Variants in APOBEC1 observed in about 807,000 individuals in gnomAD.
APOBEC1 encodes apolipoprotein B mRNA editing enzyme catalytic subunit 1.
Under a neutral mutation model 26.3 loss-of-function variants are expected in APOBEC1, and 22 were observed. The ratio of observed to expected loss-of-function variants is 0.84; its 90% confidence interval spans 0.60 to 1.19. The LOEUF (loss-of-function observed/expected upper bound fraction) is 1.19. Among genes scored for constraint, APOBEC1 ranks in the 50% most tolerant of loss-of-function variants. The probability of loss-of-function intolerance (pLI) is 0.00; values close to 1 mark genes in which losing one functional copy is unlikely to be tolerated. For synonymous variants in APOBEC1, 77 were observed against 95.3 expected, an observed-to-expected ratio of 0.81 and a Z score of 1.12; for missense variants, 253 against 289.0, an observed-to-expected ratio of 0.88 and a Z score of 0.90.
chr12:7,665,803 A>ACG (rs1555095798), intron 1 of APOBEC1, 54 bp downstream of exon 1: 1 of 1,366,880 alleles, frequency 7.3e-7, no homozygotes, highest in African/African-American at 1.6e-5. Context: ...ACACACACAC[A>ACG]CACCATTCTT....
In APOBEC1 at chr12:7,649,649, A is replaced by G. The variant is rs772177917; in HGVS notation, c.609T>C (p.Leu203=). 1 of 1,613,994 alleles carries G rather than the reference A, an allele frequency of 6.2e-7. No individual in the cohort carries two copies. Among genetic ancestry groups the G allele is most frequent in the Non-Finnish European group, 8.5e-7 (1 of 1,179,842 alleles). ...TTTGAAGATGAAGTCTGAAAAATGT[A>G]AGATGATTTTGCCATCTTCTTGAAA... ...LKISRRWQNH[L]TFFRLHLQNC... The change falls in exon 5 of 5, where the codon CTT becomes CTC. Residue 203 remains leucine (L), a synonymous_variant. Transcript: ENST00000229304.
chr12:7,665,240 T>C (rs944804898), intron 1 of APOBEC1, among the ~76,000 whole-genome samples: 1 of 152,236 alleles, frequency 6.6e-6, no homozygotes, highest in African/African-American at 2.4e-5. Context: ...ATTGTTCTCA[T>C]GCTATCACGT....
intron 1 of APOBEC1, among the ~76,000 whole-genome samples, chr12:7,664,617 C>CA (rs1231916383): frequency 6.6e-6 from 1 of 152,118 alleles, no homozygotes; most frequent in Non-Finnish European, 1.5e-5. Flanking sequence ...TTTGTCGATC[C>CA]AAAGTCTGCC....
Position 7,659,345 on chromosome 12 carries a change from ATATATG to A in APOBEC1, c.17-4719_17-4714del, listed in dbSNP as rs1451082675. Among the ~76,000 whole-genome samples, 989 of 105,142 alleles carry A rather than the reference ATATATG, an allele frequency of 9.4e-3. 38 individuals are homozygous for A. Among genetic ancestry groups the A allele is most frequent in the African/African-American group, 0.017 (468 of 27,172 alleles). 69.0% of individuals were successfully genotyped at this position (105,142 alleles called of 152,430 possible). On this transcript the variant is annotated intron_variant, in intron 1 of 4. Transcript: ENST00000229304. ...AAAATATATATATATATATATATAT[ATATATG>A]TTTATATTTGAAATTTAAAAATCAC...
intron 1 of APOBEC1, among the ~76,000 whole-genome samples, chr12:7,662,742 G>A (rs1399254572): frequency 6.6e-6 from 1 of 152,148 alleles, no homozygotes; most frequent in African/African-American, 2.4e-5. Flanking sequence ...ACATGTGGAC[G>A]TCGGGGAAGG....
At chr12:7,660,330 G>GGGAGGGAAT (rs1863789177) in intron 1 of APOBEC1, among the ~76,000 whole-genome samples, 1 of 114,578 alleles carries the variant, frequency 8.7e-6, no homozygotes, top group Non-Finnish European at 1.8e-5. Context: ...AAGGAAGGAA[G>GGGAGGGAAT]GAAGGGAAGG....
chr12:7,650,077 A>T (rs922745270), intron 4 of APOBEC1, among the ~76,000 whole-genome samples: 1 of 152,110 alleles, frequency 6.6e-6, no homozygotes, highest in Non-Finnish European at 1.5e-5. Context: ...TCTGCCTCCC[A>T]AAGTGCTAGG....
chr12:7,649,440 G>C lies in APOBEC1; in HGVS notation c.*107C>G, dbSNP rs11055022. ...ATATTTATTGTTGGTTTAAGCTACA[G>C]AGTTTTGGGGTACCTTGTGAACATT... On this transcript the variant is annotated 3_prime_UTR_variant, in exon 5 of 5. Transcript: ENST00000229304. The C allele has an allele frequency of 3.9e-3, 4,819 of 1,226,192 alleles. 137 individuals carry two copies. In the African/African-American group the frequency reaches 0.06, roughly 15 times the overall value. The allele number at this position is 1,226,192 out of a possible 1,614,324, so 76.0% of individuals were successfully genotyped here. A position where few individuals can be genotyped will look rare whatever the true frequency, so the allele number is the denominator to read the frequency against.
chr12:7,660,382 A>AGGAAGGAAGGAAGGAAGGAC (rs1362316301), intron 1 of APOBEC1, among the ~76,000 whole-genome samples: 5 of 102,948 alleles, frequency 4.9e-5, no homozygotes, highest in Admixed American at 9.3e-5. Context: ...GAAGGAAAGA[A>AGGAAGGAAGGAAGGAAGGAC]AGAAAGAAAG....
At chr12:7,660,376 G>GAAGGAAGGAGAGAAAGAA (rs1290120140) in intron 1 of APOBEC1, among the ~76,000 whole-genome samples, 1 of 60,982 alleles carries the variant, frequency 1.6e-5, no homozygotes, top group Non-Finnish European at 4.1e-5. Flanking sequence ...AGGAAGGAAG[G>GAAGGAAGGAGAGAAAGAA]AAAGAAAGAA....
intron 4 of APOBEC1, among the ~76,000 whole-genome samples, chr12:7,650,318 G>T (rs1863621073): frequency 6.6e-6 from 1 of 152,176 alleles, no homozygotes; most frequent in Non-Finnish European, 1.5e-5. Flanking sequence ...TCAGAGGATT[G>T]CTTGAGGCTA....
At position 7,660,378 on chromosome 12, in the gene APOBEC1, A is replaced by AGGAAGGAAGGAC. The variant is rs1257234032; in HGVS notation, c.16+5478_16+5479insGTCCTTCCTTCC. On this transcript the variant is annotated intron_variant, in intron 1 of 4. Coordinates refer to ENST00000229304, the MANE Select transcript of APOBEC1 (RefSeq NM_001644.5). ...AAGGAAGGAAGGAAGGAAGGAAGGA[A>AGGAAGGAAGGAC]AGAAAGAAAGAAAGAAAGAAAGAAA... 4.6e-3 allele frequency among the ~76,000 whole-genome samples: 463 copies of AGGAAGGAAGGAC among 100,728 alleles called. 22 individuals carry two copies. The highest frequency in any genetic ancestry group is 0.024 in the South Asian group (54 of 2,238). 66.1% of individuals were successfully genotyped at this position (100,728 alleles called of 152,430 possible).
intron 1 of APOBEC1, among the ~76,000 whole-genome samples, chr12:7,660,375 G>GGAAGGAAGGAAGGACAGAAA (rs61183510): frequency 1.3e-4 from 3 of 23,968 alleles, no homozygotes; most frequent in South Asian, 1.7e-3. Context: ...AAGGAAGGAA[G>GGAAGGAAGGAAGGACAGAAA]GAAAGAAAGA....
chr12:7,658,718 T>A (rs1012363541), intron 1 of APOBEC1, among the ~76,000 whole-genome samples: 15 of 151,736 alleles, frequency 9.9e-5, no homozygotes, highest in African/African-American at 3.4e-4. Flanking sequence ...TTTGGGAGGC[T>A]GAGGCAGGTG....
At chr12:7,663,751 G>A (rs772878757) in intron 1 of APOBEC1, among the ~76,000 whole-genome samples, 3 of 152,118 alleles carry the variant, frequency 2.0e-5, no homozygotes, top group South Asian at 2.1e-4. Context: ...GGGACAGTTT[G>A]AGGTATAGAA....
chr12:7,662,963 G>A (rs1863840770), intron 1 of APOBEC1, among the ~76,000 whole-genome samples: 1 of 152,068 alleles, frequency 6.6e-6, no homozygotes, highest in Non-Finnish European at 1.5e-5. Flanking sequence ...GAGAGTATGG[G>A]GATGATTCAA....
upstream of APOBEC1, among the ~76,000 whole-genome samples, chr12:7,666,934 A>T (rs558389862): frequency 5.4e-5 from 8 of 147,718 alleles, 1 homozygote; most frequent in South Asian, 1.7e-3. Flanking sequence ...TTTTTGAGAC[A>T]GAGTTTCGCT....
chr12:7,656,389 G>A (rs991609472), intron 1 of APOBEC1, among the ~76,000 whole-genome samples: 2 of 152,094 alleles, frequency 1.3e-5, no homozygotes, highest in Non-Finnish European at 2.9e-5. Flanking sequence ...GATCTAAGCA[G>A]TACTTTGTTT....
At chr12:7,654,794 A>G (rs1466558620) in intron 1 of APOBEC1, among the ~76,000 whole-genome samples, 162 bp from the exon 2 acceptor site, 1 of 152,192 alleles carries the variant, frequency 6.6e-6, no homozygotes, top group Non-Finnish European at 1.5e-5. Context: ...GTACCCAAGA[A>G]AAGCAAGATT....
Sources: gnomAD v4.1 joint callset for allele counts (sites outside exome capture counted in the v4.1 genomes callset) on GRCh38, gnomAD v4.1.1 for gene constraint, MANE v1.5 for transcripts, NCBI Gene and HGNC (gene_info 2026-07-23, HGNC 2026-07-21) for gene names.